The following TANGO2 variants were observed in gnomAD, a reference collection of about 807,000 sequenced individuals.
The protein encoded by TANGO2 is transport and Golgi organization protein 2 homolog.
TANGO2 carries 26 observed loss-of-function variants against 39.1 expected under a neutral mutation model. That is an observed-to-expected ratio of 0.67 (90% CI 0.49 to 0.92). TANGO2 has a LOEUF of 0.92. TANGO2 is among the 40% of genes least tolerant of loss of function. The probability of loss-of-function intolerance (pLI) is 0.00; values close to 1 mark genes in which losing one functional copy is unlikely to be tolerated. For missense variants in TANGO2, 326 were observed against 360.1 expected, an observed-to-expected ratio of 0.91 and a Z score of 0.77; for synonymous variants, 131 against 144.5, an observed-to-expected ratio of 0.91 and a Z score of 0.67.
rs929462 is a variant in TANGO2 at position 20,022,156 on chromosome 22, G to T, written c.-40+910G>T. 2.1e-3 allele frequency among the ~76,000 whole-genome samples: 321 copies of T among 152,368 alleles called. 2 individuals are homozygous for T. Among genetic ancestry groups the T allele is most frequent in the African/African-American group, 6.3e-3 (262 of 41,594 alleles). Reference sequence around the variant, plus strand: ...GCCTCTGGGCAGCCTTTTGGGGCAAGCATTCATTGATCCAGTCCTGCTCAT... The same window carrying T: ...GCCTCTGGGCAGCCTTTTGGGGCAATCATTCATTGATCCAGTCCTGCTCAT... On this transcript the variant is annotated intron_variant, in intron 1 of 8. Coordinates refer to ENST00000327374, the MANE Select transcript of TANGO2 (RefSeq NM_152906.7).
chr22:20,060,113 G>A (rs1189438893), intron 6 of TANGO2, among the ~76,000 whole-genome samples: 1 of 152,070 alleles, frequency 6.6e-6, no homozygotes, highest in Non-Finnish European at 1.5e-5. Flanking sequence ...ACTTTGGGAG[G>A]CCAAGGCGGG....
chr22:20,020,580 G>A (rs1326460882), upstream of TANGO2, among the ~76,000 whole-genome samples: 2 of 152,104 alleles, frequency 1.3e-5, no homozygotes, highest in Admixed American at 6.5e-5. Context: ...GGGTCTGGGG[G>A]TACATACTGG....
chr22:20,022,790 C>A (rs559580724), intron 1 of TANGO2, among the ~76,000 whole-genome samples: 1 of 152,350 alleles, frequency 6.6e-6, no homozygotes, highest in Non-Finnish European at 1.5e-5. Flanking sequence ...TCTCAGGGAC[C>A]CCAGAAGGGG....
chr22:20,021,107 C>G (rs1054944384), upstream of TANGO2: 21 of 153,438 alleles, frequency 1.4e-4, no homozygotes, highest in Admixed American at 1.3e-3. Flanking sequence ...GGCGCGGCAC[C>G]CGGAAGTCGG....
At chr22:20,037,149 G>A (rs1293626274) in intron 2 of TANGO2, 5 of 1,490,350 alleles carry the variant, frequency 3.4e-6, no homozygotes, top group Admixed American at 2.3e-5. Context: ...TGGGCTTTGA[G>A]GAGGGTCGGG....
chr22:20,052,380 C>A (rs971142285), intron 3 of TANGO2, 85 bp from the exon 4 acceptor site: 2 of 1,528,388 alleles, frequency 1.3e-6, no homozygotes, highest in African/African-American at 1.4e-5. Flanking sequence ...GGAGCTGGGC[C>A]GAGTATGCGT....
At chr22:20,036,221 T>C (rs998303896) in intron 1 of TANGO2, among the ~76,000 whole-genome samples, 3 of 151,974 alleles carry the variant, frequency 2.0e-5, no homozygotes, top group African/African-American at 7.3e-5. Context: ...CCGGGAAAAT[T>C]GTGACCCCAC....
intron 2 of TANGO2, 161 bp downstream of exon 2, chr22:20,037,015 G>C: frequency 6.3e-7 from 1 of 1,579,136 alleles, no homozygotes; most frequent in South Asian, 1.2e-5. Flanking sequence ...AGTGTGGGAT[G>C]CTGTCAGAAT....
At chr22:20,050,310 G>A (rs892250393) in intron 3 of TANGO2, among the ~76,000 whole-genome samples, 17 of 151,468 alleles carry the variant, frequency 1.1e-4, no homozygotes, top group Non-Finnish European at 1.6e-4. Flanking sequence ...CAGTGCCCTG[G>A]AGTTTTCAGT....
intron 1 of TANGO2, among the ~76,000 whole-genome samples, chr22:20,034,702 A>C (rs1045436888): frequency 6.6e-6 from 1 of 152,044 alleles, no homozygotes; most frequent in African/African-American, 2.4e-5. Context: ...CCTAACTTAG[A>C]GGAGAGTCTT....
chr22:20,064,699 G>T lies in TANGO2; in HGVS notation c.*37G>T, dbSNP rs748779459. ...GGCCTGGCCAGTGGGCTCCTGGGGG[G>T]CCCTGCCTTGAGGGGCACTGTGGAC... On this transcript the variant is annotated 3_prime_UTR_variant, in exon 9 of 9. Transcript: ENST00000327374. 4 of 1,611,422 alleles carry T rather than the reference G, an allele frequency of 2.5e-6. No homozygotes were observed. In the South Asian group the frequency reaches 4.4e-5, roughly 18 times the overall value.
At chr22:20,031,995 G>A (rs1300884641) in intron 1 of TANGO2, among the ~76,000 whole-genome samples, 2 of 152,188 alleles carry the variant, frequency 1.3e-5, no homozygotes, top group African/African-American at 2.4e-5. Context: ...GCCCCACCAT[G>A]AGCCCCTCCA....
chr22:20,038,606 G>A (rs908117484), intron 2 of TANGO2, among the ~76,000 whole-genome samples: 3 of 152,202 alleles, frequency 2.0e-5, no homozygotes, highest in East Asian at 3.8e-4. Context: ...AGTTGGCCTC[G>A]GGATTTCTCT....
chr22:20,054,158 C>T (rs1035539223), intron 5 of TANGO2: 3 of 228,130 alleles, frequency 1.3e-5, no homozygotes, highest in Admixed American at 5.3e-5. Flanking sequence ...TCCTGGCTCC[C>T]GAGCTCCAGG....
At chr22:20,052,617 A>G (rs777202852) in intron 4 of TANGO2, 33 bp downstream of exon 4, 7 of 768,196 alleles carry the variant, frequency 9.1e-6, no homozygotes, top group South Asian at 3.0e-5. Context: ...AAGGTGAGAC[A>G]GGGTGGGGTG....
At chr22:20,018,055 T>C (rs1416882060), upstream of TANGO2, among the ~76,000 whole-genome samples, 1 of 152,162 alleles carries the variant, frequency 6.6e-6, no homozygotes, top group African/African-American at 2.4e-5. Context: ...ATATTGGGAG[T>C]CCAGTGTGTT....
rs1415922042 is a variant in TANGO2 at position 20,057,316 on chromosome 22, A to G, written c.451+1303A>G. On this transcript the variant is annotated intron_variant, in intron 6 of 8. Transcript: ENST00000327374. This position sits in a 1 kb window ranked among gnomAD's most constrained non-coding sequence, Gnocchi z 4.1. ...ACGTCTGCCCAGTGATGTTTCATCCACAGATAGGCCCAGCCCCCATTTGCT... is the reference window on the plus strand; with the variant it reads ...ACGTCTGCCCAGTGATGTTTCATCCGCAGATAGGCCCAGCCCCCATTTGCT... 6.6e-6 allele frequency among the ~76,000 whole-genome samples: 1 copy of G among 152,090 alleles called. No homozygotes were observed. Among genetic ancestry groups the G allele is most frequent in the Non-Finnish European group, 1.5e-5 (1 of 68,000 alleles).
intron 3 of TANGO2, among the ~76,000 whole-genome samples, chr22:20,045,117 C>T (rs2044865177): frequency 6.6e-6 from 1 of 152,082 alleles, no homozygotes; most frequent in Non-Finnish European, 1.5e-5. Flanking sequence ...GGGCCTGTAG[C>T]ACCAGCTTTA....
At chr22:20,038,070 CAG>C (rs1351709975) in intron 2 of TANGO2, among the ~76,000 whole-genome samples, 1 of 152,148 alleles carries the variant, frequency 6.6e-6, no homozygotes, top group East Asian at 1.9e-4. Flanking sequence ...GCATGGGCAA[CAG>C]AGCGAGACTG....
Sources: allele counts gnomAD v4.1 joint callset (sites outside exome capture counted in the v4.1 genomes callset), GRCh38; gene constraint gnomAD v4.1.1; non-coding constraint Gnocchi (gnomAD v3.1); transcripts MANE v1.5; gene names NCBI Gene and HGNC (gene_info 2026-07-23, HGNC 2026-07-21).